STK3: variants seen among roughly 807,000 people sequenced by gnomAD.
STK3 encodes serine/threonine-protein kinase 3.
Under a neutral mutation model 58.0 loss-of-function variants are expected in STK3, and 41 were observed. That is an observed-to-expected ratio of 0.71 (90% CI 0.55 to 0.92). The LOEUF is 0.92. Ranked by LOEUF, STK3 falls within the 40% of genes least tolerant of loss-of-function variation. STK3 has a pLI of 0.00. For missense variants in STK3, 479 were observed against 602.7 expected (o/e 0.79, Z 2.15); for synonymous variants, 170 against 191.0 (o/e 0.89, Z 0.91).
At chr8:98,557,191 G>T (rs1811662448) in intron 8 of STK3, among the ~76,000 whole-genome samples, 1 of 152,046 alleles carries the variant, frequency 6.6e-6, no homozygotes, top group Non-Finnish European at 1.5e-5. Context: ...GAATTCGGGG[G>T]CTGGTGACTG....
At chr8:98,696,447 G>A (rs1345964212) in intron 6 of STK3, among the ~76,000 whole-genome samples, 6 of 151,586 alleles carry the variant, frequency 4.0e-5, no homozygotes, top group African/African-American at 4.8e-5. Context: ...TTTTCAAAGG[G>A]AATGCTTCCA....
chr8:98,648,685 G>C (rs1275929472), intron 6 of STK3, among the ~76,000 whole-genome samples: 1 of 152,058 alleles, frequency 6.6e-6, no homozygotes, highest in African/African-American at 2.4e-5. Context: ...TTGAGATCAG[G>C]AGTTCAAGCC....
chr8:98,621,601 T>C (rs891308730), intron 6 of STK3, among the ~76,000 whole-genome samples: 2 of 152,310 alleles, frequency 1.3e-5, no homozygotes, highest in African/African-American at 4.8e-5. Context: ...GATCATTCAA[T>C]ACCGTAAATG....
At chr8:98,346,873 T>C in the STK3 span, among the ~76,000 whole-genome samples, 14 of 151,816 alleles carry the variant, frequency 9.2e-5, 1 homozygote, top group South Asian at 2.5e-3. Context: ...ATAAAGAACA[T>C]TGGAAATGGT....
intron 6 of STK3, among the ~76,000 whole-genome samples, chr8:98,629,690 A>G (rs1463551745): frequency 6.6e-6 from 1 of 152,216 alleles, no homozygotes; most frequent in Non-Finnish European, 1.5e-5. Flanking sequence ...AAAAGACAGA[A>G]GCCAAGCAAA....
In STK3 at chr8:98,514,543, C is replaced by CAA. The variant is rs773162253; in HGVS notation, c.1317+12197_1317+12198dup. On this transcript the variant is annotated intron_variant, in intron 10 of 10. Transcript: ENST00000419617. ...CCCCCACACTCCCCCTACCTCCCCA[C>CAA]AAAAAAAAAAAACAGTGAAATCCTA... Among the ~76,000 whole-genome samples the CAA allele has an allele frequency of 5.8e-5, 8 of 137,736 alleles. No individual in the cohort carries two copies. The South Asian group carries it at 7.0e-4, about 12-fold the overall frequency. The allele number at this position is 137,736 out of a possible 152,430, so 90.4% of individuals were successfully genotyped here.
chr8:98,428,782 T>C lies in STK3; in HGVS notation n.483+5345A>G. 6.2e-7 allele frequency: 1 copy of C among 1,614,210 alleles called. No individual in the cohort carries two copies. Among genetic ancestry groups the C allele is most frequent in the Non-Finnish European group, 8.5e-7 (1 of 1,180,042 alleles). ...CTAAACCTTATTGACCTCATGTCCA[T>C]CGTCCCCTTTTACATCACTCTGGTG... On this transcript the variant is annotated intron_variant and non_coding_transcript_variant, in intron 3 of 3. Transcript: ENST00000517832. The surrounding 1 kb of genome is among the most constrained non-coding windows in gnomAD (Gnocchi z 6.7).
intron 6 of STK3, among the ~76,000 whole-genome samples, chr8:98,665,864 C>T (rs368419507): frequency 2.8e-4 from 43 of 152,030 alleles, no homozygotes; most frequent in African/African-American, 9.7e-4. Context: ...CCACCACGCC[C>T]GGCTAATTTT....
At chr8:98,434,106 C>T (rs1818401333) in intron 3 of STK3, 1 of 152,236 alleles carries the variant, frequency 6.6e-6, no homozygotes, top group Non-Finnish European at 1.5e-5. Context: ...AGATGGCTCT[C>T]CCATCCAACA....
chr8:98,924,950 GA>G (rs1839726976), intron 1 of STK3, among the ~76,000 whole-genome samples: 1 of 152,152 alleles, frequency 6.6e-6, no homozygotes, highest in South Asian at 2.1e-4. Context: ...CAAGAAGGGA[GA>G]GGACAAAATC....
At chr8:98,746,054 T>C (rs761117612) in intron 4 of STK3, among the ~76,000 whole-genome samples, 12 of 152,206 alleles carry the variant, frequency 7.9e-5, no homozygotes, top group Non-Finnish European at 1.6e-4. Flanking sequence ...TATAATCTTA[T>C]GGGACCACAA....
chr8:98,739,024 C>G, intron 4 of STK3, among the ~76,000 whole-genome samples: 1 of 152,224 alleles, frequency 6.6e-6, no homozygotes, highest in Non-Finnish European at 1.5e-5. Context: ...TGCAAGGCAG[C>G]GGCGAGGCTG....
chr8:98,401,216 T>G (rs576902483), downstream of STK3, among the ~76,000 whole-genome samples: 1 of 152,204 alleles, frequency 6.6e-6, no homozygotes, highest in East Asian at 1.9e-4. Context: ...AAGCCCCAGG[T>G]GCTCCAGCTC....
chr8:98,854,853 T>C (rs934661960), intron 3 of STK3, among the ~76,000 whole-genome samples: 5 of 152,050 alleles, frequency 3.3e-5, no homozygotes, highest in African/African-American at 1.2e-4. Context: ...GGTCAAGAGT[T>C]TGAGACTAGC....
In STK3 at chr8:98,707,315, G is replaced by A; in HGVS notation, c.352-4C>T. ...TTGCAATTTCATCTTCTATTAACTG[G>A]AAAGAAATATTTTTAAAACCATAAT... On this transcript the variant is annotated splice_region_variant and splice_polypyrimidine_tract_variant and intron_variant, in intron 4 of 10. Coordinates refer to ENST00000419617, the MANE Select transcript of STK3 (RefSeq NM_006281.4). The A allele has an allele frequency of 6.7e-7, 1 of 1,501,506 alleles. No homozygotes were observed. Among genetic ancestry groups the A allele is most frequent in the Non-Finnish European group, 8.9e-7 (1 of 1,119,988 alleles). The allele number at this position is 1,501,506 out of a possible 1,614,324, so 93.0% of individuals were successfully genotyped here. A position where few individuals can be genotyped will look rare whatever the true frequency, so the allele number is the denominator to read the frequency against.
chr8:98,426,516 C>A (rs909726251), intron 3 of STK3, among the ~76,000 whole-genome samples: 6 of 152,090 alleles, frequency 3.9e-5, no homozygotes, highest in Non-Finnish European at 8.8e-5. Flanking sequence ...CGCTCCCGCC[C>A]CCCGCGTACT....
intron 10 of STK3, among the ~76,000 whole-genome samples, chr8:98,507,048 T>C (rs1824150984): frequency 6.6e-6 from 1 of 152,226 alleles, no homozygotes; most frequent in South Asian, 2.1e-4. Context: ...TCTCTACATA[T>C]ACTCATTTCT....
chr8:98,609,617 G>T (rs1392530136), intron 6 of STK3, among the ~76,000 whole-genome samples: 1 of 152,130 alleles, frequency 6.6e-6, no homozygotes, highest in East Asian at 1.9e-4. Context: ...AAATAAAGCT[G>T]ATGAACTAAT....
intron 6 of STK3, among the ~76,000 whole-genome samples, chr8:98,696,983 G>C (rs1825005645): frequency 1.3e-5 from 2 of 152,122 alleles, no homozygotes; most frequent in South Asian, 4.1e-4. Context: ...AATCCATCTG[G>C]TCCTGGACTC....
Sources: gnomAD v4.1 joint callset for allele counts (sites outside exome capture counted in the v4.1 genomes callset) on GRCh38, gnomAD v4.1.1 for gene constraint, Gnocchi (gnomAD v3.1) non-coding constraint, MANE v1.5 for transcripts, NCBI Gene and HGNC (gene_info 2026-07-23, HGNC 2026-07-21) for gene names.